ULK4: variants seen among roughly 807,000 people sequenced by gnomAD.
ULK4 encodes unc-51 like kinase 4, also known as inactive serine/threonine-protein kinase ULK4.
In ULK4, 133 loss-of-function variants were observed where a neutral mutation model predicts 160.6. The observed-to-expected ratio is 0.83, with a 90% CI of 0.72 to 0.96. ULK4 has a LOEUF of 0.96. Ranked by LOEUF, ULK4 falls within the 40% of genes least tolerant of loss-of-function variation. ULK4 has a pLI of 0.00. For missense variants in ULK4, 1,580 were observed against 1,499.5 expected, an observed-to-expected ratio of 1.05 and a Z score of -0.89; for synonymous variants, 534 against 539.8, an observed-to-expected ratio of 0.99 and a Z score of 0.15.
intron 35 of ULK4, among the ~76,000 whole-genome samples, chr3:41,285,629 CAG>C (rs1339317957): frequency 1.3e-5 from 2 of 152,202 alleles, no homozygotes; most frequent in East Asian, 3.9e-4. Flanking sequence ...AGACTACAAA[CAG>C]GGTGCAGAGT....
intron 32 of ULK4, among the ~76,000 whole-genome samples, chr3:41,544,668 T>C (rs2086800036): frequency 1.3e-5 from 2 of 152,208 alleles, no homozygotes; most frequent in Non-Finnish European, 2.9e-5. Context: ...ACAATGATTG[T>C]TTGCTATAAA....
intron 32 of ULK4, among the ~76,000 whole-genome samples, chr3:41,499,638 A>G (rs2085117914): frequency 6.6e-6 from 1 of 152,206 alleles, no homozygotes; most frequent in African/African-American, 2.4e-5. Flanking sequence ...CAAATAAATT[A>G]ATGTAGTAAA....
intron 35 of ULK4, among the ~76,000 whole-genome samples, chr3:41,270,187 T>C (rs1392613700): frequency 6.6e-6 from 1 of 151,660 alleles, no homozygotes; most frequent in African/African-American, 2.4e-5. Context: ...AGGCCCAGAG[T>C]CCAGAGAAAA....
intron 8 of ULK4, chr3:41,913,200 G>T: frequency 4.8e-6 from 1 of 207,774 alleles, no homozygotes; most frequent in Non-Finnish European, 9.4e-6. Context: ...GAAAAACGGA[G>T]TCGATAAATA....
chr3:41,608,472 G>A (rs1042858249), intron 31 of ULK4, among the ~76,000 whole-genome samples: 2 of 152,060 alleles, frequency 1.3e-5, no homozygotes, highest in Non-Finnish European at 2.9e-5. Context: ...GAGTAATTTC[G>A]AGAAAAAGTA....
intron 1 of ULK4, among the ~76,000 whole-genome samples, chr3:41,955,289 CA>C (rs1219121447): frequency 6.6e-6 from 1 of 152,200 alleles, no homozygotes; most frequent in Non-Finnish European, 1.5e-5. Flanking sequence ...GACTCCAACT[CA>C]AAAATCAATA....
At chr3:41,601,489 A>G (rs566484941) in intron 31 of ULK4, among the ~76,000 whole-genome samples, 9 of 152,298 alleles carry the variant, frequency 5.9e-5, no homozygotes, top group Non-Finnish European at 1.0e-4. Context: ...TTCAAAGAGT[A>G]AAGTAGAAAA....
chr3:41,831,532 T>TA (rs577123829), intron 18 of ULK4, among the ~76,000 whole-genome samples: 19,021 of 125,772 alleles, frequency 0.15, 1,531 homozygotes, highest in Middle Eastern at 0.28. Context: ...TATATATATA[T>TA]TTTTTTTTCT....
intron 35 of ULK4, among the ~76,000 whole-genome samples, chr3:41,367,513 C>G (rs1224835101): frequency 6.6e-6 from 1 of 152,120 alleles, no homozygotes; most frequent in Non-Finnish European, 1.5e-5. Flanking sequence ...GTGAGCAGCT[C>G]CATGGCTGGA....
intron 8 of ULK4, among the ~76,000 whole-genome samples, chr3:41,914,160 C>T (rs1698892325): frequency 6.6e-6 from 1 of 151,928 alleles, no homozygotes; most frequent in Non-Finnish European, 1.5e-5. Flanking sequence ...GATATACTCA[C>T]CAGAGTGGGA....
At chr3:41,374,815 G>C (rs1235519807) in intron 35 of ULK4, among the ~76,000 whole-genome samples, 13 of 152,168 alleles carry the variant, frequency 8.5e-5, no homozygotes, top group Middle Eastern at 3.4e-3. Flanking sequence ...AGAAATAAAG[G>C]GTATTCAAAT....
intron 22 of ULK4, among the ~76,000 whole-genome samples, chr3:41,735,124 T>C: frequency 6.6e-6 from 1 of 152,168 alleles, no homozygotes; most frequent in South Asian, 2.1e-4. Flanking sequence ...AATGATTTGA[T>C]GAAAGTGGCA....
At chr3:41,749,576 G>A (rs1354030222) in intron 22 of ULK4, among the ~76,000 whole-genome samples, 3 of 152,196 alleles carry the variant, frequency 2.0e-5, no homozygotes, top group Non-Finnish European at 4.4e-5. Context: ...GACGGGCTAA[G>A]CTATGATGTT....
chr3:41,600,380 T>G (rs1386861588), intron 31 of ULK4, among the ~76,000 whole-genome samples: 4 of 152,194 alleles, frequency 2.6e-5, no homozygotes, highest in African/African-American at 9.7e-5. Context: ...CTGTGACAAC[T>G]GCTCTAAAGA....
rs1019681722 is a variant in ULK4 at position 41,246,737 on chromosome 3, A to C, written c.*192T>G. 8 of 591,690 alleles carry C rather than the reference A, an allele frequency of 1.4e-5. No individual in the cohort carries two copies. Among genetic ancestry groups the C allele is most frequent in the Non-Finnish European group, 2.4e-5 (8 of 334,604 alleles). 36.7% of individuals were successfully genotyped at this position (591,690 alleles called of 1,614,324 possible). On this transcript the variant is annotated 3_prime_UTR_variant, in exon 37 of 37. Transcript: ENST00000301831. ...AGATGCATTCCACAGGAACCAAGGA[A>C]GTCCATTCTGAGTCAGTTTTCTAGG...
intron 35 of ULK4, among the ~76,000 whole-genome samples, chr3:41,319,211 T>C (rs4973939): frequency 0.18 from 26,906 of 152,126 alleles, 3,040 homozygotes; most frequent in African/African-American, 0.32. Context: ...CAGGTGCACC[T>C]GGGCATCTTC....
chr3:41,422,371 T>C (rs1335891948), intron 34 of ULK4, among the ~76,000 whole-genome samples: 2 of 152,192 alleles, frequency 1.3e-5, no homozygotes, highest in Non-Finnish European at 2.9e-5. Context: ...CACCTGCTTG[T>C]GGTGAAATTA....
chr3:41,246,704 G>T lies in ULK4; in HGVS notation c.*225C>A. The T allele has an allele frequency of 1.9e-6, 1 of 526,994 alleles. No homozygotes were observed. Among genetic ancestry groups the T allele is most frequent in the Non-Finnish European group, 3.4e-6 (1 of 294,118 alleles). The allele number at this position is 526,994 out of a possible 1,614,324, so 32.6% of individuals were successfully genotyped here. ...TTTCTGAGAACAGCTAACAAACCTG[G>T]GCTTCCCAGATGCATTCCACAGGAA... On this transcript the variant is annotated 3_prime_UTR_variant, in exon 37 of 37. Transcript: ENST00000301831.
intron 35 of ULK4, among the ~76,000 whole-genome samples, chr3:41,265,086 C>T (rs147786388): frequency 3.2e-4 from 49 of 152,286 alleles, no homozygotes; most frequent in African/African-American, 1.0e-3. Context: ...CTTTGGGACA[C>T]GAGGTGGCCA....
Sources: allele counts gnomAD v4.1 joint callset (sites outside exome capture counted in the v4.1 genomes callset), GRCh38; gene constraint gnomAD v4.1.1; transcripts MANE v1.5; gene names NCBI Gene and HGNC (gene_info 2026-07-23, HGNC 2026-07-21).